Variants in CLSTN2 observed in about 807,000 individuals in gnomAD.
CLSTN2 encodes calsyntenin-2.
In CLSTN2, 48 loss-of-function variants were observed where a neutral mutation model predicts 101.2. The ratio of observed to expected loss-of-function variants is 0.47; its 90% CI spans 0.38 to 0.60. The LOEUF is 0.60. CLSTN2 is among the 20% of genes least tolerant of loss of function. The pLI is 0.00. For synonymous variants in CLSTN2, 481 were observed against 463.6 expected (o/e 1.04, Z -0.48); for missense variants, 1,160 against 1,238.2 (o/e 0.94, Z 0.95).
intron 2 of CLSTN2, among the ~76,000 whole-genome samples, chr3:140,379,065 G>A (rs981780142): frequency 3.9e-5 from 6 of 152,208 alleles, no homozygotes; most frequent in Non-Finnish European, 7.3e-5. Context: ...CCCTGCAGTA[G>A]CACATTCTGC....
At chr3:140,234,153 T>G (rs6439905) in intron 2 of CLSTN2, among the ~76,000 whole-genome samples, 2 of 152,106 alleles carry the variant, frequency 1.3e-5, no homozygotes, top group South Asian at 2.1e-4. Flanking sequence ...AGGGTCACGG[T>G]CACAAATCCA....
At chr3:140,511,541 CTTTTTTTTTTT>C (rs59924727) in intron 8 of CLSTN2, among the ~76,000 whole-genome samples, 2 of 70,882 alleles carry the variant, frequency 2.8e-5, no homozygotes, top group East Asian at 4.0e-4. Flanking sequence ...TGTTTCTGGA[CTTTTTTTTTTT>C]TTTTTTTTTT....
chr3:140,268,172 A>G (rs1018541806), intron 2 of CLSTN2, among the ~76,000 whole-genome samples: 1 of 152,030 alleles, frequency 6.6e-6, no homozygotes, highest in South Asian at 2.1e-4. Flanking sequence ...TGCACAGATG[A>G]CTCTGAGACC....
intron 2 of CLSTN2, among the ~76,000 whole-genome samples, chr3:140,334,638 T>C (rs910490305): frequency 4.6e-5 from 7 of 152,162 alleles, no homozygotes; most frequent in Non-Finnish European, 7.3e-5. Flanking sequence ...AATGACAGAA[T>C]GAAGGGACAT....
chr3:140,134,829 A>T (rs1318215006), intron 1 of CLSTN2, among the ~76,000 whole-genome samples: 1 of 152,034 alleles, frequency 6.6e-6, no homozygotes, highest in Non-Finnish European at 1.5e-5. Flanking sequence ...CCATCGGGGA[A>T]CATCATATTC....
At chr3:140,034,519 A>T (rs2007619099) in intron 1 of CLSTN2, among the ~76,000 whole-genome samples, 1 of 152,230 alleles carries the variant, frequency 6.6e-6, no homozygotes, top group African/African-American at 2.4e-5. Flanking sequence ...GCACCCTGCC[A>T]TTAAGCATTC....
chr3:140,502,359 G>A (rs1189748054), intron 8 of CLSTN2, among the ~76,000 whole-genome samples: 3 of 152,144 alleles, frequency 2.0e-5, no homozygotes, highest in African/African-American at 7.2e-5. Flanking sequence ...TGGACAGAGG[G>A]CAGCTACTGA....
chr3:140,231,336 C>G (rs1190612212), intron 2 of CLSTN2, among the ~76,000 whole-genome samples: 1 of 152,058 alleles, frequency 6.6e-6, no homozygotes, highest in Non-Finnish European at 1.5e-5. Flanking sequence ...TCCCAACTCT[C>G]TAAGTTATAA....
chr3:140,575,786 A>T lies in CLSTN2; in HGVS notation c.*9533A>T, dbSNP rs1985713260. On this transcript the variant is annotated 3_prime_UTR_variant, in exon 17 of 17. Coordinates refer to ENST00000458420, the MANE Select transcript of CLSTN2 (RefSeq NM_022131.3). ...TATCAGAGATGAGTAGGCTATGGAC[A>T]GCTGATTATATATATGTGTGTGTGT... 6.6e-6 allele frequency: 1 copy of T among 152,144 alleles called. No homozygotes were observed. Among genetic ancestry groups the T allele is most frequent in the Non-Finnish European group, 1.5e-5 (1 of 67,992 alleles). 9.4% of individuals were successfully genotyped at this position (152,144 alleles called of 1,614,324 possible). A position where few individuals can be genotyped will look rare whatever the true frequency, so the allele number is the denominator to read the frequency against.
intron 2 of CLSTN2, among the ~76,000 whole-genome samples, chr3:140,391,646 T>C (rs1305398294): frequency 6.6e-6 from 1 of 151,842 alleles, no homozygotes; most frequent in Non-Finnish European, 1.5e-5. Flanking sequence ...TAATATAATA[T>C]TAAATTTATT....
At chr3:140,445,086 A>G (rs763351054) in intron 5 of CLSTN2, among the ~76,000 whole-genome samples, 20 of 152,182 alleles carry the variant, frequency 1.3e-4, no homozygotes, top group Non-Finnish European at 2.1e-4. Flanking sequence ...TAAACCCTCA[A>G]AAACAAGCCT....
intron 1 of CLSTN2, among the ~76,000 whole-genome samples, chr3:139,964,515 A>T (rs998015209): frequency 6.6e-6 from 1 of 152,118 alleles, no homozygotes; most frequent in African/African-American, 2.4e-5. Context: ...GTCATCTGGA[A>T]GGGGGAAGAG....
At chr3:140,503,756 A>G (rs1934628418) in intron 8 of CLSTN2, among the ~76,000 whole-genome samples, 1 of 152,212 alleles carries the variant, frequency 6.6e-6, no homozygotes, top group Admixed American at 6.5e-5. Flanking sequence ...ATTATCCAAC[A>G]GTTAAAGACA....
chr3:140,334,807 AG>A (rs11311078), intron 2 of CLSTN2, among the ~76,000 whole-genome samples: 1,560 of 152,298 alleles, frequency 0.01, 26 homozygotes, highest in African/African-American at 0.034. Flanking sequence ...CGAAGTTGGA[AG>A]GAAGGTGTGG....
chr3:140,520,798 A>G (rs533271222), intron 8 of CLSTN2, among the ~76,000 whole-genome samples: 55 of 152,286 alleles, frequency 3.6e-4, no homozygotes, highest in Non-Finnish European at 7.1e-4. Context: ...AGGTACCCCA[A>G]TCAATCATAG....
intron 1 of CLSTN2, among the ~76,000 whole-genome samples, chr3:140,135,117 C>CACATATAT (rs1488268767): frequency 2.8e-4 from 16 of 58,090 alleles, no homozygotes; most frequent in African/African-American, 9.5e-4. Flanking sequence ...CACACACACA[C>CACATATAT]ATATATATAT....
At chr3:140,252,268 T>C (rs575615727) in intron 2 of CLSTN2, among the ~76,000 whole-genome samples, 1 of 152,232 alleles carries the variant, frequency 6.6e-6, no homozygotes, top group South Asian at 2.1e-4. Flanking sequence ...GGGAGCAAAC[T>C]CCACAGTGAA....
chr3:140,226,007 C>T (rs9823318), intron 2 of CLSTN2, among the ~76,000 whole-genome samples: 1 of 152,264 alleles, frequency 6.6e-6, no homozygotes, highest in South Asian at 2.1e-4. Context: ...TTATGAATAG[C>T]TTTCCTAGGG....
At chr3:140,295,760 A>G (rs994648230) in intron 2 of CLSTN2, among the ~76,000 whole-genome samples, 3 of 152,204 alleles carry the variant, frequency 2.0e-5, no homozygotes, top group African/African-American at 7.2e-5. Flanking sequence ...GGTACTGGAG[A>G]AGGAGGAGTC....
Sources: gnomAD v4.1 joint callset for allele counts (sites outside exome capture counted in the v4.1 genomes callset) on GRCh38, gnomAD v4.1.1 for gene constraint, MANE v1.5 for transcripts, NCBI Gene and HGNC (gene_info 2026-07-23, HGNC 2026-07-21) for gene names.